PLA2G6: variants seen among roughly 807,000 people sequenced by gnomAD.
The protein encoded by PLA2G6 is 85/88 kDa calcium-independent phospholipase A2.
In PLA2G6, 62 loss-of-function variants were observed where a neutral mutation model predicts 83.8. The ratio of observed to expected loss-of-function variants is 0.74; its 90% CI spans 0.60 to 0.91. PLA2G6 has a LOEUF of 0.91. Among genes scored for constraint, PLA2G6 ranks in the 40% least tolerant of loss-of-function variants. PLA2G6 has a pLI of 0.00. For synonymous variants in PLA2G6, 417 were observed against 449.8 expected (o/e 0.93, Z 0.92); for missense variants, 944 against 1,102.0 (o/e 0.86, Z 2.03).
chr22:38,113,135 G>A (rs1160929731), intron 15 of PLA2G6, among the ~76,000 whole-genome samples: 5 of 152,186 alleles, frequency 3.3e-5, no homozygotes, highest in Admixed American at 3.3e-4. Flanking sequence ...TCAAACTGCT[G>A]TGCTCAAGTG....
chr22:38,171,567 C>T (rs1235787732), intron 1 of PLA2G6, among the ~76,000 whole-genome samples: 1 of 152,014 alleles, frequency 6.6e-6, no homozygotes, highest in East Asian at 1.9e-4. Context: ...GCCCGTAATC[C>T]CAGCACTCTG....
At chr22:38,166,726 G>A (rs1026825824) in intron 2 of PLA2G6, among the ~76,000 whole-genome samples, 46 of 151,114 alleles carry the variant, frequency 3.0e-4, no homozygotes, top group African/African-American at 1.0e-3. Context: ...AAGACTTAAC[G>A]TCTCAAAAAA....
At chr22:38,122,940 C>T (rs918747367) in intron 11 of PLA2G6, among the ~76,000 whole-genome samples, 155 bp downstream of exon 11, 3 of 150,818 alleles carry the variant, frequency 2.0e-5, no homozygotes, top group African/African-American at 2.5e-5. Flanking sequence ...AGCCTGGGAC[C>T]TCAGCACCTG....
In PLA2G6 at chr22:38,115,587, G is replaced by C; in HGVS notation, c.1974C>G (p.Asn658Lys). The change falls in exon 14 of 17, where the codon AAC (asparagine) becomes AAG (lysine). Residue 658 changes from asparagine (N) to lysine (K), a missense_variant. Physicochemically the swap from Asn to Lys is moderately conservative, Grantham distance 94 (BLOSUM62 0). Coordinates refer to ENST00000332509, the MANE Select transcript of PLA2G6 (RefSeq NM_003560.4). ...CGGTCATGGCATCCAGCGTGGGGTT[G>C]TTGGCCAGCAGCCCACCGTCCAGGA... ...GRFLDGGLLA[N>K]NPTLDAMTEI... is the part of the protein sequence containing the mutation. 6.2e-7 allele frequency: 1 copy of C among 1,613,464 alleles called. No homozygotes were observed. Among genetic ancestry groups the C allele is most frequent in the Non-Finnish European group, 8.5e-7 (1 of 1,179,894 alleles).
At chr22:38,164,149 A>G (rs142379370) in intron 2 of PLA2G6, among the ~76,000 whole-genome samples, 2 of 152,302 alleles carry the variant, frequency 1.3e-5, no homozygotes, top group African/African-American at 4.8e-5. Flanking sequence ...ATCATAGTGT[A>G]CACAGGCATA....
intron 1 of PLA2G6, among the ~76,000 whole-genome samples, chr22:38,179,406 G>C (rs1339656670): frequency 6.6e-6 from 1 of 152,208 alleles, no homozygotes; most frequent in Non-Finnish European, 1.5e-5. Context: ...GTCCTAAGAT[G>C]AGAAAGAGAG....
intron 1 of PLA2G6, among the ~76,000 whole-genome samples, chr22:38,173,834 G>C (rs1228918560): frequency 6.6e-6 from 1 of 152,088 alleles, no homozygotes; most frequent in Non-Finnish European, 1.5e-5. Flanking sequence ...CGGATTGCTT[G>C]AGCCCAGGAA....
chr22:38,140,462 T>G (rs1232824829), intron 4 of PLA2G6: 7 of 396,746 alleles, frequency 1.8e-5, no homozygotes, highest in South Asian at 8.5e-5. Flanking sequence ...GAGCTGAGAT[T>G]GCATCATTGC....
chr22:38,160,662 C>A (rs929791693), intron 2 of PLA2G6, among the ~76,000 whole-genome samples: 3 of 152,074 alleles, frequency 2.0e-5, no homozygotes, highest in Non-Finnish European at 4.4e-5. Context: ...CTGGCTAACA[C>A]GGTGAAACCT....
intron 10 of PLA2G6, among the ~76,000 whole-genome samples, chr22:38,125,239 C>A (rs377566012): frequency 6.6e-6 from 1 of 152,064 alleles, no homozygotes; most frequent in Non-Finnish European, 1.5e-5. Context: ...CATGTGTGTG[C>A]GTGTCCATGT....
intron 14 of PLA2G6, among the ~76,000 whole-genome samples, chr22:38,114,549 G>A (rs549924331): frequency 2.6e-5 from 4 of 152,318 alleles, no homozygotes; most frequent in African/African-American, 7.2e-5. Flanking sequence ...CTTGGGTGAT[G>A]CCTCCCACTC....
In PLA2G6 at chr22:38,111,891, A is replaced by G; in HGVS notation, c.*270T>C. The G allele has an allele frequency of 1.9e-6, 1 of 524,036 alleles. No individual in the cohort carries two copies. Among genetic ancestry groups the G allele is most frequent in the East Asian group, 3.4e-5 (1 of 29,446 alleles). The allele number at this position is 524,036 out of a possible 1,614,324, so 32.5% of individuals were successfully genotyped here. A position where few individuals can be genotyped will look rare whatever the true frequency, so the allele number is the denominator to read the frequency against. On this transcript the variant is annotated 3_prime_UTR_variant, in exon 17 of 17. Transcript: ENST00000332509. Reference sequence around the variant, plus strand: ...CCCTTAATGTTTGAGCTGATGGGGGAGTCAGTTGTCCTTGACAGTCAGGGA... The same window carrying G: ...CCCTTAATGTTTGAGCTGATGGGGGGGTCAGTTGTCCTTGACAGTCAGGGA...
chr22:38,120,571 A>G (rs796763824), intron 12 of PLA2G6, among the ~76,000 whole-genome samples, 188 bp downstream of exon 12: 9 of 152,266 alleles, frequency 5.9e-5, no homozygotes, highest in African/African-American at 2.2e-4. Context: ...TGCGCTCAGC[A>G]GGTGTCTGCA....
At position 38,115,799 on chromosome 22, in the gene PLA2G6, G is replaced by C. The variant is rs1041927697; in HGVS notation, c.1880-118C>G. 2.0e-6 allele frequency: 3 copies of C among 1,486,266 alleles called. No individual in the cohort carries two copies. In the African/African-American group the frequency reaches 4.2e-5, roughly 21 times the overall value. 92.1% of individuals were successfully genotyped at this position (1,486,266 alleles called of 1,614,324 possible). A position where few individuals can be genotyped will look rare whatever the true frequency, so the allele number is the denominator to read the frequency against. ...GGGGTGCGGGAAGAGGGGAGGCTGG[G>C]AACTCTTCAGAAGCAGGACCCACGA... On this transcript the variant is annotated intron_variant, in intron 13 of 16. Coordinates refer to ENST00000332509, the MANE Select transcript of PLA2G6 (RefSeq NM_003560.4).
At chr22:38,133,370 C>T (rs2088344336) in intron 6 of PLA2G6, 1 of 326,142 alleles carries the variant, frequency 3.1e-6, no homozygotes, top group African/African-American at 2.1e-5. Context: ...AAGGTATCAC[C>T]TCTCACTGGG....
chr22:38,131,982 G>A, intron 7 of PLA2G6: 1 of 351,132 alleles, frequency 2.8e-6, no homozygotes, highest in Non-Finnish European at 5.6e-6. Context: ...GGGCATGGTG[G>A]CACGTGCCTG....
In PLA2G6 at chr22:38,128,716, A is replaced by G. The variant is rs1441627076; in HGVS notation, c.1187-286T>C. 6.6e-6 allele frequency among the ~76,000 whole-genome samples: 1 copy of G among 152,250 alleles called. No individual in the cohort carries two copies. The highest frequency in any genetic ancestry group is 1.5e-5 in the Non-Finnish European group (1 of 68,042). On this transcript the variant is annotated intron_variant, in intron 8 of 16. Transcript: ENST00000332509. The surrounding 1 kb of genome is among the most constrained non-coding windows in gnomAD (Gnocchi z 4.4). The stretch of plus-strand genomic sequence containing the variant: ...CCCTTCTTTCCTTCTACTCCAGCCA[A>G]GAAAGCAGGAATCCCATGGCCACAT...
intron 2 of PLA2G6, among the ~76,000 whole-genome samples, chr22:38,159,652 C>G (rs760306804): frequency 6.6e-6 from 1 of 151,566 alleles, no homozygotes; most frequent in Non-Finnish European, 1.5e-5. Flanking sequence ...ATCACTTGAG[C>G]CTGGGAAGTT....
rs201346537 is a variant in PLA2G6 at position 38,113,640 on chromosome 22, C to G, written c.2049G>C (p.Lys683Asn). The G allele has an allele frequency of 6.2e-7, 1 of 1,613,814 alleles. No individual in the cohort carries two copies. The highest frequency in any genetic ancestry group is 2.2e-5 in the East Asian group (1 of 44,876). ...QDLIRKGQAN[K>N]VKKLSIVVSL... ...AGACAACGATGGAGAGTTTCTTCACCTTGTTGGCCTGACCCTGTTGGGAAC... is the reference window on the plus strand; with the variant it reads ...AGACAACGATGGAGAGTTTCTTCACGTTGTTGGCCTGACCCTGTTGGGAAC... The change falls in exon 15 of 17, where the codon AAG becomes AAC. Residue 683 changes from lysine to asparagine, a missense_variant. By Grantham distance (94) the Lys-to-Asn change is moderately conservative. Transcript: ENST00000332509.
Sources: gnomAD v4.1 joint callset for allele counts (sites outside exome capture counted in the v4.1 genomes callset) on GRCh38, gnomAD v4.1.1 for gene constraint, Gnocchi (gnomAD v3.1) non-coding constraint, MANE v1.5 for transcripts, NCBI Gene and HGNC (gene_info 2026-07-23, HGNC 2026-07-21) for gene names.